The following CACNA1C variants were observed in gnomAD, a reference collection of about 807,000 sequenced individuals.
The protein encoded by CACNA1C is calcium voltage-gated channel subunit alpha1 C.
CACNA1C carries 30 observed loss-of-function variants against 229.0 expected under a neutral mutation model. That is an observed-to-expected ratio of 0.13 (90% confidence interval 0.10 to 0.18). The LOEUF (loss-of-function observed/expected upper bound fraction) is 0.18. Ranked by LOEUF, CACNA1C falls within the 10% of genes least tolerant of loss-of-function variation. CACNA1C has a pLI of 1.00. For missense variants in CACNA1C, 1,658 were observed against 2,845.0 expected (o/e 0.58, Z 9.49); for synonymous variants, 1,114 against 1,132.5 (o/e 0.98, Z 0.33).
intron 5 of CACNA1C, among the ~76,000 whole-genome samples, chr12:2,481,291 T>A (rs2099674830): frequency 6.6e-6 from 1 of 152,182 alleles, no homozygotes; most frequent in South Asian, 2.1e-4. Flanking sequence ...AATCTGGGCA[T>A]CTCCAGGCTA....
intron 3 of CACNA1C, among the ~76,000 whole-genome samples, chr12:2,176,759 T>C (rs981248100): frequency 1.3e-5 from 2 of 152,184 alleles, no homozygotes; most frequent in African/African-American, 4.8e-5. Flanking sequence ...TGGCTACATG[T>C]CCATCACCCC....
intron 29 of CACNA1C, among the ~76,000 whole-genome samples, chr12:2,631,305 T>TA (rs1050585191): frequency 6.6e-6 from 1 of 152,194 alleles, no homozygotes; most frequent in African/African-American, 2.4e-5. Context: ...AATAATGTTT[T>TA]CTTGCACGCT....
intron 3 of CACNA1C, among the ~76,000 whole-genome samples, chr12:2,231,206 A>T (rs1005863271): frequency 1.3e-5 from 2 of 152,198 alleles, no homozygotes; most frequent in African/African-American, 4.8e-5. Context: ...CTGGAGACTC[A>T]TGAGGCCAGA....
chr12:2,247,908 A>G (rs2074048322), intron 3 of CACNA1C, among the ~76,000 whole-genome samples: 1 of 152,222 alleles, frequency 6.6e-6, no homozygotes, highest in Admixed American at 6.5e-5. Flanking sequence ...TGCTGTGGCC[A>G]CTGCAGAGGG....
At chr12:2,351,206 C>A (rs997940081) in intron 3 of CACNA1C, among the ~76,000 whole-genome samples, 15 of 152,158 alleles carry the variant, frequency 9.9e-5, no homozygotes, top group African/African-American at 3.6e-4. Flanking sequence ...CACTGGGTAC[C>A]AGTAGCAGTC....
At position 2,665,574 on chromosome 12, in the gene CACNA1C, C is replaced by T. The variant is rs766669665; in HGVS notation, c.4399-7C>T. The T allele has an allele frequency of 1.2e-6, 2 of 1,613,114 alleles. No individual in the cohort carries two copies. Among genetic ancestry groups the T allele is most frequent in the Non-Finnish European group, 1.7e-6 (2 of 1,179,358 alleles). On this transcript the variant is annotated splice_region_variant and splice_polypyrimidine_tract_variant and intron_variant, in intron 35 of 46. Transcript: ENST00000399655. This position sits in a 1 kb window ranked among gnomAD's most constrained non-coding sequence, Gnocchi z 5.9. ...CTCACAGCACCTCATTGTACTGTTC[C>T]CCACAGATCATCAACCTCTTTGTAG...
chr12:2,354,271 G>A lies in CACNA1C; in HGVS notation c.478-94705G>A, dbSNP rs574443274. ...TCACCTGGCTCTCTTGCCTAAGCCT[G>A]TCACAGAAGCCCTGCAGAGCAGGAA... On this transcript the variant is annotated intron_variant, in intron 3 of 46. Transcript: ENST00000399655. The surrounding 1 kb of genome is among the most constrained non-coding windows in gnomAD (Gnocchi z 4.6). Among the ~76,000 whole-genome samples the A allele has an allele frequency of 6.6e-6, 1 of 152,324 alleles. No individual in the cohort carries two copies. Among genetic ancestry groups the A allele is most frequent in the Non-Finnish European group, 1.5e-5 (1 of 68,032 alleles).
Position 2,340,149 on chromosome 12 carries a change from G to A in CACNA1C, c.478-108827G>A, listed in dbSNP as rs7133758. Among the ~76,000 whole-genome samples, 435 of 152,268 alleles carry A rather than the reference G, an allele frequency of 2.9e-3. 3 individuals carry two copies. Among genetic ancestry groups the A allele is most frequent in the African/African-American group, 9.9e-3 (410 of 41,564 alleles). On this transcript the variant is annotated intron_variant, in intron 3 of 46. Transcript: ENST00000399655. ...GTTTTCACAGTTTCAGCAGCACAGT[G>A]AAGAATAACTTTATTCTTCTATATA...
rs142502097 is a variant in CACNA1C at position 2,373,245 on chromosome 12, A to G, written c.478-75731A>G. Among the ~76,000 whole-genome samples, 457 of 152,256 alleles carry G rather than the reference A, an allele frequency of 3.0e-3. 2 individuals are homozygous for G. Among genetic ancestry groups the G allele is most frequent in the African/African-American group, 0.01 (429 of 41,532 alleles). ...ATTACTTACTTGTCACCCCTCATTC[A>G]TTCAGCAAATGCTCACTGAGCTTCT... On this transcript the variant is annotated intron_variant, in intron 3 of 46. Coordinates refer to ENST00000399655, the MANE Select transcript of CACNA1C (RefSeq NM_000719.7).
Position 2,668,936 on chromosome 12 carries a change from C to T in CACNA1C, c.4627C>T (p.Leu1543=). Residue 1543 remains leucine (L), a synonymous_variant, in exon 38 of 47, where the codon CTG becomes TTG. Coordinates refer to ENST00000399655, the MANE Select transcript of CACNA1C (RefSeq NM_000719.7). ...CTTTGCTTCTCTTCGCCTGCAGCGC[C>T]TGGTCTCCATGAACATGCCTCTGAA... is the stretch of plus-strand genomic sequence containing the variant. ...LCPHRVACKR[L]VSMNMPLNSD... 1 of 1,613,140 alleles carries T rather than the reference C, an allele frequency of 6.2e-7. No individual in the cohort carries two copies. Among genetic ancestry groups the T allele is most frequent in the Non-Finnish European group, 8.5e-7 (1 of 1,179,076 alleles).
intron 1 of CACNA1C, among the ~76,000 whole-genome samples, chr12:2,002,695 C>T (rs982988124): frequency 6.6e-6 from 1 of 152,198 alleles, no homozygotes; most frequent in Non-Finnish European, 1.5e-5. Context: ...GTCAAGTCAA[C>T]TTACAGAACT....
At chr12:2,203,799 G>A (rs4765902) in intron 3 of CACNA1C, among the ~76,000 whole-genome samples, 51,725 of 151,916 alleles carry the variant, frequency 0.34, 9,290 homozygotes, top group South Asian at 0.39. Flanking sequence ...TTTGGGATAT[G>A]TTTTCACACC....
chr12:2,111,314 A>G lies in CACNA1C; in HGVS notation c.50-3910A>G, dbSNP rs28642816. On this transcript the variant is annotated intron_variant, in intron 1 of 46. Coordinates refer to ENST00000399655, the MANE Select transcript of CACNA1C (RefSeq NM_000719.7). ...AGGATGTGGTTTTCAGAGCTGCCCC[A>G]GGGCTCTGCACAGCCAGCTGCCGTC... is the stretch of plus-strand genomic sequence containing the variant. Among the ~76,000 whole-genome samples, 798 of 152,338 alleles carry G rather than the reference A, an allele frequency of 5.2e-3. 7 individuals carry two copies. Among genetic ancestry groups the G allele is most frequent in the African/African-American group, 0.018 (753 of 41,580 alleles).
chr12:2,254,008 C>A (rs1200754079), intron 3 of CACNA1C, among the ~76,000 whole-genome samples: 2 of 152,158 alleles, frequency 1.3e-5, no homozygotes, highest in Non-Finnish European at 2.9e-5. Context: ...AGGGCTCAGT[C>A]ATGGATAGGA....
intron 3 of CACNA1C, among the ~76,000 whole-genome samples, chr12:2,367,243 G>A (rs186902718): frequency 5.9e-5 from 9 of 152,244 alleles, no homozygotes; most frequent in Admixed American, 2.0e-4. Flanking sequence ...AATAGTGCTC[G>A]AGCTCTTATG....
At chr12:1,994,440 T>A (rs1026049934) in intron 1 of CACNA1C, among the ~76,000 whole-genome samples, 3 of 152,238 alleles carry the variant, frequency 2.0e-5, no homozygotes, top group South Asian at 2.1e-4. Context: ...CCTCCAATTT[T>A]AAAATTGATG....
At chr12:2,140,505 G>A (rs973292210) in intron 3 of CACNA1C, among the ~76,000 whole-genome samples, 1 of 151,378 alleles carries the variant, frequency 6.6e-6, no homozygotes, top group East Asian at 1.9e-4. Context: ...TGAGAGGCTA[G>A]GAGGCCTCCA....
intron 3 of CACNA1C, among the ~76,000 whole-genome samples, chr12:2,412,778 C>T (rs2154553908): frequency 6.6e-6 from 1 of 152,162 alleles, no homozygotes; most frequent in African/African-American, 2.4e-5. Context: ...AGGGGCTATG[C>T]TGGAGGAATA....
chr12:2,601,846 C>T lies in CACNA1C; in HGVS notation c.2854-8C>T. On this transcript the variant is annotated splice_region_variant and splice_polypyrimidine_tract_variant and intron_variant, in intron 21 of 46. Transcript: ENST00000399655. The surrounding 1 kb of genome is among the most constrained non-coding windows in gnomAD (Gnocchi z 5.9). ...CTCACACTGGTGTTCCTTTGTCCCT[C>T]CCTGCAGATGACTGCTTATGGGGCT... 6.3e-7 allele frequency: 1 copy of T among 1,599,904 alleles called. No homozygotes were observed. The highest frequency in any genetic ancestry group is 2.2e-5 in the East Asian group (1 of 44,808).
Sources: allele counts gnomAD v4.1 joint callset (sites outside exome capture counted in the v4.1 genomes callset), GRCh38; gene constraint gnomAD v4.1.1; non-coding constraint Gnocchi (gnomAD v3.1); transcripts MANE v1.5; gene names NCBI Gene and HGNC (gene_info 2026-07-23, HGNC 2026-07-21).